Variants in MAPK10 observed in about 807,000 individuals in gnomAD.
MAPK10 encodes the protein mitogen-activated protein kinase 10.
MAPK10 carries 25 observed loss-of-function variants against 59.3 expected under a neutral mutation model. The observed-to-expected ratio is 0.42, with a 90% confidence interval of 0.31 to 0.59. The LOEUF (loss-of-function observed/expected upper bound fraction) is 0.59. Ranked by LOEUF, MAPK10 falls within the 20% of genes least tolerant of loss-of-function variation. The pLI is 0.15. For missense variants in MAPK10, 351 were observed against 568.9 expected, an observed-to-expected ratio of 0.62 and a Z score of 3.90; for synonymous variants, 190 against 200.5, an observed-to-expected ratio of 0.95 and a Z score of 0.44.
At position 86,548,220 on chromosome 4, in the gene MAPK10, C is replaced by T. The variant is rs1164955739; in HGVS notation, c.-263+45690G>A. Among the ~76,000 whole-genome samples the T allele has an allele frequency of 2.6e-5, 4 of 152,158 alleles. 1 individual carries two copies. The highest frequency in any genetic ancestry group is 4.2e-4 in the South Asian group (2 of 4,814). Reference sequence around the variant, plus strand: ...CGGGAGGAACAAACAACTCCAGACGCGCTGCCTTAAGAGCTGTAACACTCA... The same window carrying T: ...CGGGAGGAACAAACAACTCCAGACGTGCTGCCTTAAGAGCTGTAACACTCA... On this transcript the variant is annotated intron_variant, in intron 1 of 4. Transcript: ENST00000502302.
At chr4:86,362,030 G>A (rs1285343818), upstream of MAPK10, among the ~76,000 whole-genome samples, 1 of 152,046 alleles carries the variant, frequency 6.6e-6, no homozygotes, top group Non-Finnish European at 1.5e-5. Flanking sequence ...AGCTAAAAGA[G>A]AGGATTTCAA....
chr4:86,066,858 A>G (rs908497324), intron 10 of MAPK10, among the ~76,000 whole-genome samples: 8 of 151,878 alleles, frequency 5.3e-5, no homozygotes, highest in Admixed American at 3.3e-4. Context: ...AAGAAACAAT[A>G]CTATTTTTAG....
At chr4:86,550,374 TAAAAAAAAAAAAAAAAAAAAAAA>T (rs753508493) in intron 1 of MAPK10, among the ~76,000 whole-genome samples, 7 of 77,380 alleles carry the variant, frequency 9.0e-5, no homozygotes, top group South Asian at 5.2e-4. Context: ...GAGCTTCAGT[TAAAAAAAAAAAAAAAAAAAAAAA>T]AAAAAAAAAA....
At chr4:86,347,206 C>T (rs1224633116) in intron 2 of MAPK10, among the ~76,000 whole-genome samples, 1 of 152,132 alleles carries the variant, frequency 6.6e-6, no homozygotes, top group Admixed American at 6.5e-5. Context: ...AAACTATACA[C>T]TAAATTTTTC....
Position 86,098,581 on chromosome 4 carries a change from C to T in MAPK10, c.745G>A (p.Val249Met). The part of the protein sequence containing the change: ...GYKENVDIWS[V>M]GCIMGEMVRH... Reference sequence around the variant, plus strand: ...ACCATTTCTCCCATAATGCATCCCACAGACCATATATCCACTAGAACAGGA... The same window carrying T: ...ACCATTTCTCCCATAATGCATCCCATAGACCATATATCCACTAGAACAGGA... Residue 249 changes from valine (V) to methionine (M), a missense_variant, in exon 9 of 14, where the codon GTG (valine) becomes ATG (methionine). Physicochemically the swap from Val to Met is conservative, Grantham distance 21. Coordinates refer to ENST00000641462, the MANE Select transcript of MAPK10 (RefSeq NM_138982.4). 6.2e-7 allele frequency: 1 copy of T among 1,612,382 alleles called. No individual in the cohort carries two copies. The highest frequency in any genetic ancestry group is 8.5e-7 in the Non-Finnish European group (1 of 1,178,524).
At chr4:86,138,771 G>C (rs1050924475) in intron 4 of MAPK10, among the ~76,000 whole-genome samples, 2 of 151,904 alleles carry the variant, frequency 1.3e-5, no homozygotes, top group African/African-American at 4.8e-5. Flanking sequence ...TGACATGACT[G>C]TATATCTAGA....
chr4:86,344,874 C>A (rs1181621895), intron 2 of MAPK10, among the ~76,000 whole-genome samples: 2 of 152,116 alleles, frequency 1.3e-5, no homozygotes, highest in Admixed American at 1.3e-4. Flanking sequence ...TAAAAGATTT[C>A]TCTTATAAGT....
chr4:86,154,449 C>G (rs1038076941), intron 4 of MAPK10, among the ~76,000 whole-genome samples: 1 of 152,108 alleles, frequency 6.6e-6, no homozygotes, highest in Non-Finnish European at 1.5e-5. Flanking sequence ...ATCCCATGCT[C>G]TTAACTGTAA....
At chr4:86,238,048 C>G (rs981068927) in intron 2 of MAPK10, among the ~76,000 whole-genome samples, 1 of 152,192 alleles carries the variant, frequency 6.6e-6, no homozygotes, top group East Asian at 1.9e-4. Flanking sequence ...GGTCCAGTTT[C>G]AATTTTCTGC....
chr4:86,458,973 A>C (rs1257104876), intron 1 of MAPK10, among the ~76,000 whole-genome samples: 1 of 152,240 alleles, frequency 6.6e-6, no homozygotes, highest in African/African-American at 2.4e-5. Flanking sequence ...GAGTGAATAG[A>C]CAACCCACAG....
intron 5 of MAPK10, chr4:86,106,892 GT>G (rs141825745): frequency 0.048 from 7,556 of 157,674 alleles, 623 homozygotes; most frequent in African/African-American, 0.17. Flanking sequence ...TGCTTTGTAG[GT>G]TTTTTTTTTC....
intron 1 of MAPK10, among the ~76,000 whole-genome samples, chr4:86,446,316 C>A (rs899124734): frequency 6.6e-6 from 1 of 152,092 alleles, no homozygotes; most frequent in Non-Finnish European, 1.5e-5. Context: ...CCATAGGTAT[C>A]AGTTGCCAAG....
At chr4:86,290,481 C>T (rs747888974) in intron 2 of MAPK10, among the ~76,000 whole-genome samples, 3 of 152,174 alleles carry the variant, frequency 2.0e-5, no homozygotes, top group Non-Finnish European at 4.4e-5. Flanking sequence ...TCTGCTCTCC[C>T]AGTTATCTGT....
intron 2 of MAPK10, among the ~76,000 whole-genome samples, chr4:86,210,998 CA>C (rs2085637892): frequency 1.3e-5 from 2 of 151,518 alleles, no homozygotes; most frequent in Non-Finnish European, 2.9e-5. Context: ...AGTAAAGAAT[CA>C]ATGAACTTGA....
intron 2 of MAPK10, among the ~76,000 whole-genome samples, chr4:86,293,670 G>A (rs1316954903): frequency 6.6e-6 from 1 of 152,112 alleles, no homozygotes; most frequent in East Asian, 1.9e-4. Flanking sequence ...TTCTGCTTCT[G>A]GGGAGGCCTC....
chr4:86,263,709 C>A (rs1013142166), intron 2 of MAPK10, among the ~76,000 whole-genome samples: 10 of 152,166 alleles, frequency 6.6e-5, no homozygotes, highest in African/African-American at 2.4e-4. Context: ...AGTAAGTTGA[C>A]AAAACTCTCT....
At chr4:86,507,658 ATATATATATATAT>A (rs1755890194) in intron 1 of MAPK10, among the ~76,000 whole-genome samples, 5 of 107,574 alleles carry the variant, frequency 4.6e-5, no homozygotes, top group African/African-American at 1.8e-4. Flanking sequence ...ATATATATAT[ATATATATATATAT>A]AAAATCATGT....
intron 1 of MAPK10, among the ~76,000 whole-genome samples, chr4:86,584,620 T>C (rs993306151): frequency 2.8e-4 from 42 of 152,080 alleles, no homozygotes; most frequent in Admixed American, 2.8e-3. Context: ...ATTTTTAAAA[T>C]TTTTTGTAGA....
intron 13 of MAPK10, chr4:86,027,835 T>G (rs1314139908): frequency 2.0e-5 from 3 of 152,212 alleles, no homozygotes; most frequent in Non-Finnish European, 2.9e-5. Flanking sequence ...CAGGGACTAG[T>G]AGGACCTATA....
Sources: allele counts gnomAD v4.1 joint callset (sites outside exome capture counted in the v4.1 genomes callset), GRCh38; gene constraint gnomAD v4.1.1; transcripts MANE v1.5; gene names NCBI Gene and HGNC (gene_info 2026-07-23, HGNC 2026-07-21).